The following NCKAP5 variants were observed in gnomAD, a reference collection of about 807,000 sequenced individuals.
NCKAP5 encodes the protein NCK associated protein 5, also known as nck-associated protein 5.
NCKAP5 carries 92 observed loss-of-function variants against 167.0 expected under a neutral mutation model. The observed-to-expected ratio is 0.55, with a 90% CI of 0.47 to 0.66. The LOEUF is 0.66. Ranked by LOEUF, NCKAP5 falls within the 30% of genes least tolerant of loss-of-function variation. NCKAP5 has a pLI of 0.00. For synonymous variants in NCKAP5, 891 were observed against 877.4 expected (o/e 1.02, Z -0.27); for missense variants, 2,378 against 2,315.0 (o/e 1.03, Z -0.56).
At chr2:133,110,455 A>G (rs1436748217) in intron 6 of NCKAP5, among the ~76,000 whole-genome samples, 1 of 152,124 alleles carries the variant, frequency 6.6e-6, no homozygotes, top group Admixed American at 6.5e-5. Flanking sequence ...AGTGCAGGGG[A>G]CACTGGGGAG....
chr2:132,693,102 T>C (rs752706139), intron 19 of NCKAP5, among the ~76,000 whole-genome samples: 5 of 152,210 alleles, frequency 3.3e-5, no homozygotes, highest in Non-Finnish European at 5.9e-5. Context: ...AAGAACTCAG[T>C]AGGCCAAAGT....
At chr2:132,982,291 A>G (rs2077164881) in intron 7 of NCKAP5, among the ~76,000 whole-genome samples, 1 of 152,188 alleles carries the variant, frequency 6.6e-6, no homozygotes, top group South Asian at 2.1e-4. Flanking sequence ...CACTATACCC[A>G]CTACATAGAA....
chr2:133,654,552 T>C, the NCKAP5 span, among the ~76,000 whole-genome samples: 1 of 152,214 alleles, frequency 6.6e-6, no homozygotes, highest in Non-Finnish European at 1.5e-5. Context: ...TGGCTCTCTC[T>C]GAAAAGGAAA....
At chr2:133,051,360 AG>A (rs2079600446) in intron 6 of NCKAP5, among the ~76,000 whole-genome samples, 1 of 152,206 alleles carries the variant, frequency 6.6e-6, no homozygotes, top group Admixed American at 6.5e-5. Flanking sequence ...ATAACCAAAA[AG>A]GTCTTAGAAA....
chr2:133,313,498 T>C lies in NCKAP5; in HGVS notation c.70-10388A>G, dbSNP rs147390075. ...TTTTAGGTAAAAAGAGTTATACTTA[T>C]TTTTCAGCAAAATAGTAACTATTGT... On this transcript the variant is annotated intron_variant, in intron 3 of 19. Transcript: ENST00000409261. Among the ~76,000 whole-genome samples the C allele has an allele frequency of 1.1e-3, 170 of 152,326 alleles. 1 individual carries two copies. Among genetic ancestry groups the C allele is most frequent in the Middle Eastern group, 3.4e-3 (1 of 294 alleles).
upstream of NCKAP5, among the ~76,000 whole-genome samples, chr2:133,569,338 G>A (rs1013496682): frequency 3.3e-5 from 5 of 151,998 alleles, no homozygotes; most frequent in Non-Finnish European, 7.4e-5. Context: ...TCTCTGCCAC[G>A]AAGCGCGAAC....
At chr2:133,629,934 G>A in the NCKAP5 span, among the ~76,000 whole-genome samples, 32 of 152,232 alleles carry the variant, frequency 2.1e-4, no homozygotes, top group South Asian at 1.2e-3. Context: ...TGAATGATGA[G>A]AATACATGGA....
At chr2:133,294,588 C>T (rs571597428) in intron 4 of NCKAP5, among the ~76,000 whole-genome samples, 4 of 152,246 alleles carry the variant, frequency 2.6e-5, no homozygotes, top group Admixed American at 1.3e-4. Context: ...CTGGAGGGAA[C>T]GTTAGAGGCA....
intron 3 of NCKAP5, among the ~76,000 whole-genome samples, chr2:133,354,256 T>C (rs1447382274): frequency 1.3e-5 from 2 of 150,284 alleles, no homozygotes; most frequent in African/African-American, 4.9e-5. Flanking sequence ...TTAGTTCTCT[T>C]TTTTTTTTTT....
At chr2:132,739,136 G>A (rs1691795262) in intron 16 of NCKAP5, among the ~76,000 whole-genome samples, 1 of 152,162 alleles carries the variant, frequency 6.6e-6, no homozygotes, top group Admixed American at 6.5e-5. Context: ...TTCCAAGTGA[G>A]TAGGATATGA....
chr2:133,428,290 A>G (rs1689939348), intron 3 of NCKAP5, among the ~76,000 whole-genome samples: 1 of 152,210 alleles, frequency 6.6e-6, no homozygotes. Flanking sequence ...AACCATGTCC[A>G]GAAACAGTGC....
chr2:132,883,611 A>G (rs896427662), intron 8 of NCKAP5, among the ~76,000 whole-genome samples: 1 of 152,130 alleles, frequency 6.6e-6, no homozygotes, highest in Admixed American at 6.6e-5. Flanking sequence ...GCCTTGCCCA[A>G]CAGCCCACTG....
chr2:132,703,669 C>T (rs752413770), intron 19 of NCKAP5, among the ~76,000 whole-genome samples: 4 of 152,126 alleles, frequency 2.6e-5, no homozygotes, highest in Non-Finnish European at 4.4e-5. Flanking sequence ...GCATGACCAA[C>T]GGACTGAATT....
chr2:133,241,227 G>A (rs554904479), intron 4 of NCKAP5, among the ~76,000 whole-genome samples: 1 of 152,308 alleles, frequency 6.6e-6, no homozygotes, highest in Admixed American at 6.5e-5. Context: ...GCTTTTAAAT[G>A]TCAGAGAGCT....
chr2:133,278,800 C>T (rs1449984423), intron 4 of NCKAP5, among the ~76,000 whole-genome samples: 1 of 124,642 alleles, frequency 8.0e-6, no homozygotes, highest in Non-Finnish European at 1.7e-5. Flanking sequence ...AAAAAAAAAA[C>T]CCTCTTAAAA....
At chr2:133,664,395 G>A in the NCKAP5 span, among the ~76,000 whole-genome samples, 323 of 152,286 alleles carry the variant, frequency 2.1e-3, 1 homozygote, top group Admixed American at 4.2e-3. Flanking sequence ...CCTGTCCTTC[G>A]AAGCTTTGAA....
chr2:132,962,750 C>T (rs1441489218), intron 8 of NCKAP5, among the ~76,000 whole-genome samples: 1 of 152,132 alleles, frequency 6.6e-6, no homozygotes. Flanking sequence ...GCCACCACGC[C>T]TGGCTAATTT....
At chr2:133,370,362 G>C (rs75324214) in intron 3 of NCKAP5, among the ~76,000 whole-genome samples, 2,112 of 152,256 alleles carry the variant, frequency 0.014, 47 homozygotes, top group African/African-American at 0.048. Context: ...TGTAAAAGTG[G>C]ATATGAGGAA....
At chr2:133,651,019 A>C in the NCKAP5 span, among the ~76,000 whole-genome samples, 4 of 152,250 alleles carry the variant, frequency 2.6e-5, no homozygotes, top group Non-Finnish European at 4.4e-5. Flanking sequence ...CCTACACACA[A>C]ACATCAACTT....
Sources: allele counts gnomAD v4.1 joint callset (sites outside exome capture counted in the v4.1 genomes callset), GRCh38; gene constraint gnomAD v4.1.1; transcripts MANE v1.5; gene names NCBI Gene and HGNC (gene_info 2026-07-23, HGNC 2026-07-21).